PCDHGA1: variants seen among roughly 807,000 people sequenced by gnomAD.
PCDHGA1 encodes the protein protocadherin gamma-A1.
PCDHGA1 carries 32 observed loss-of-function variants against 58.0 expected under a neutral mutation model. That is an observed-to-expected ratio of 0.55 (90% CI 0.42 to 0.74). The LOEUF is 0.74. Among genes scored for constraint, PCDHGA1 ranks in the 30% least tolerant of loss-of-function variants. The pLI is 0.00. For missense variants in PCDHGA1, 1,205 were observed against 1,182.3 expected, an observed-to-expected ratio of 1.02 and a Z score of -0.28; for synonymous variants, 498 against 501.1, an observed-to-expected ratio of 0.99 and a Z score of 0.08.
At chr5:141,392,802 A>C in intron 1 of PCDHGA1, 2 of 1,572,582 alleles carry the variant, frequency 1.3e-6, no homozygotes, top group Non-Finnish European at 1.7e-6. Flanking sequence ...AGGATTCTGC[A>C]GCAAAACAAC....
intron 2 of PCDHGA1, among the ~76,000 whole-genome samples, chr5:141,496,013 T>C (rs2154591828): frequency 6.6e-6 from 1 of 152,134 alleles, no homozygotes; most frequent in East Asian, 1.9e-4. Flanking sequence ...CTTGTCTTTT[T>C]TCTCTGAGCC....
At chr5:141,400,189 C>G (rs376855933) in intron 1 of PCDHGA1, 2 of 1,614,056 alleles carry the variant, frequency 1.2e-6, no homozygotes, top group Non-Finnish European at 1.7e-6. Flanking sequence ...GCAGTTTTAC[C>G]TAGTGGTGGC....
intron 1 of PCDHGA1, chr5:141,421,617 C>A (rs781622911): frequency 6.2e-7 from 1 of 1,613,768 alleles, no homozygotes; most frequent in South Asian, 1.1e-5. Flanking sequence ...TTAATGATAA[C>A]GCCCCCAGCT....
chr5:141,361,675 G>T, intron 1 of PCDHGA1: 1 of 1,613,636 alleles, frequency 6.2e-7, no homozygotes, highest in Non-Finnish European at 8.5e-7. Context: ...GAGCGGGGTG[G>T]TGTTCGCGCA....
intron 1 of PCDHGA1, chr5:141,415,179 G>A: frequency 6.2e-7 from 1 of 1,613,934 alleles, no homozygotes; most frequent in Non-Finnish European, 8.5e-7. Flanking sequence ...CCGTGGCCGT[G>A]GCCGACAGCA....
rs905837179 is a variant in PCDHGA1 at position 141,478,541 on chromosome 5, G to A, written c.2422-16266G>A. ...GTTGGGTGCAGAGAGCGCCCCTCCCGGACAGGTAAGGTTTAGCAAGTCATG... is the reference window on the plus strand; with the variant it reads ...GTTGGGTGCAGAGAGCGCCCCTCCCAGACAGGTAAGGTTTAGCAAGTCATG... On this transcript the variant is annotated intron_variant, in intron 1 of 3. Coordinates refer to ENST00000517417, the MANE Select transcript of PCDHGA1 (RefSeq NM_018912.3). 4 of 1,605,470 alleles carry A rather than the reference G, an allele frequency of 2.5e-6. No homozygotes were observed. The Admixed American group carries it at 5.2e-5, about 21-fold the overall frequency.
At chr5:141,344,056 G>T (rs1369527105) in intron 1 of PCDHGA1, 2 of 1,559,122 alleles carry the variant, frequency 1.3e-6, no homozygotes, top group East Asian at 4.6e-5. Context: ...CTGAGTTTCC[G>T]AAATGGCAGA....
At chr5:141,413,344 G>A in intron 1 of PCDHGA1, 1 of 1,613,986 alleles carries the variant, frequency 6.2e-7, no homozygotes. Context: ...CAAGGACTTG[G>A]GTCTGGCGCC....
chr5:141,474,967 T>G (rs745581213), intron 1 of PCDHGA1, among the ~76,000 whole-genome samples: 6 of 152,252 alleles, frequency 3.9e-5, no homozygotes, highest in Non-Finnish European at 7.3e-5. Context: ...TCCTAATCAT[T>G]ATAATTTTGT....
At chr5:141,426,922 T>C in intron 1 of PCDHGA1, 1 of 456,720 alleles carries the variant, frequency 2.2e-6, no homozygotes, top group Non-Finnish European at 4.4e-6. Flanking sequence ...CTGGAAGCAA[T>C]GGACATGGGT....
intron 1 of PCDHGA1, among the ~76,000 whole-genome samples, chr5:141,439,161 C>T (rs1384707803): frequency 6.6e-6 from 1 of 150,850 alleles, no homozygotes; most frequent in Non-Finnish European, 1.5e-5. Flanking sequence ...CCACTGCACT[C>T]CAGCCTGGGC....
intron 1 of PCDHGA1, chr5:141,371,778 G>A (rs1305768606): frequency 6.2e-7 from 1 of 1,614,002 alleles, no homozygotes; most frequent in Non-Finnish European, 8.5e-7. Context: ...CGTGCATGTA[G>A]CTGAGAACAA....
intron 1 of PCDHGA1, among the ~76,000 whole-genome samples, chr5:141,387,526 G>C (rs186607627): frequency 2.0e-5 from 3 of 152,206 alleles, no homozygotes; most frequent in African/African-American, 7.2e-5. Context: ...ATATACAGAC[G>C]TATCCACGTA....
At position 141,350,735 on chromosome 5, in the gene PCDHGA1, G is replaced by A. The variant is rs1304871310; in HGVS notation, c.2421+17630G>A. The A allele has an allele frequency of 8.7e-6, 14 of 1,613,870 alleles. No homozygotes were observed. The highest frequency in any genetic ancestry group is 7.6e-6 in the Non-Finnish European group (9 of 1,179,904). On this transcript the variant is annotated intron_variant, in intron 1 of 3. Transcript: ENST00000517417. ...TCTGGATTCTGCTCAAGATGCAGAT[G>A]TGGAAGGCAATTCACTGAAGTTATA...
Position 141,331,281 on chromosome 5 carries a change from C to CT in PCDHGA1, c.599dup (p.Leu200PhefsTer17). On this transcript the variant is annotated frameshift_variant, in exon 1 of 4. Coordinates refer to ENST00000517417, the MANE Select transcript of PCDHGA1 (RefSeq NM_018912.3). LOFTEE classifies it high-confidence loss of function. ...ATCCAGAGATGGTGCTGCAGAGTCCCTTAGACAGAGAAGAAGAAGCTGTCC... is the reference window on the plus strand; with the variant it reads ...ATCCAGAGATGGTGCTGCAGAGTCCCTTTAGACAGAGAAGAAGAAGCTGTCC... The CT allele has an allele frequency of 1.9e-6, 3 of 1,614,130 alleles. No homozygotes were observed. Among genetic ancestry groups the CT allele is most frequent in the Non-Finnish European group, 2.5e-6 (3 of 1,180,034 alleles).
At chr5:141,345,897 C>T in intron 1 of PCDHGA1, 1 of 1,612,696 alleles carries the variant, frequency 6.2e-7, no homozygotes. Context: ...GGTGGGTCTG[C>T]ACACGGGCGA....
At chr5:141,414,531 C>A in intron 1 of PCDHGA1, 1 of 1,613,960 alleles carries the variant, frequency 6.2e-7, no homozygotes, top group Non-Finnish European at 8.5e-7. Context: ...TCAATGACAA[C>A]CCACCTACCT....
Position 141,486,484 on chromosome 5 carries a change from C to A in PCDHGA1, c.2422-8323C>A. On this transcript the variant is annotated intron_variant, in intron 1 of 3. Transcript: ENST00000517417. This position sits in a 1 kb window ranked among gnomAD's most constrained non-coding sequence, Gnocchi z 5.0. ...ATGCTGGGAACCCTCCTCTCAGTAC[C>A]CACAGAACTATTTTCCTCAATATTT... is the stretch of plus-strand genomic sequence containing the variant. 5 of 1,614,102 alleles carry A rather than the reference C, an allele frequency of 3.1e-6. No homozygotes were observed. Among genetic ancestry groups the A allele is most frequent in the Non-Finnish European group, 4.2e-6 (5 of 1,179,930 alleles).
chr5:141,342,241 C>A (rs1232627869), intron 1 of PCDHGA1: 4 of 152,156 alleles, frequency 2.6e-5, no homozygotes, highest in African/African-American at 9.7e-5. Context: ...CCAGAACCAA[C>A]TTCTTTATAC....
Sources: gnomAD v4.1 joint callset for allele counts (sites outside exome capture counted in the v4.1 genomes callset) on GRCh38, gnomAD v4.1.1 for gene constraint, Gnocchi (gnomAD v3.1) non-coding constraint, MANE v1.5 for transcripts, NCBI Gene and HGNC (gene_info 2026-07-23, HGNC 2026-07-21) for gene names.